Variants in MARCHF1 observed in about 807,000 individuals in gnomAD.
The protein encoded by MARCHF1 is E3 ubiquitin-protein ligase MARCHF1.
In MARCHF1, 40 loss-of-function variants were observed where a neutral mutation model predicts 54.2. The ratio of observed to expected loss-of-function variants is 0.74; its 90% CI spans 0.57 to 0.96. The LOEUF is 0.96. Ranked by LOEUF, MARCHF1 falls within the 40% of genes least tolerant of loss-of-function variation. The pLI, the probability that MARCHF1 is intolerant of heterozygous loss-of-function variation, is 0.00. For synonymous variants in MARCHF1, 236 were observed against 236.3 expected, an observed-to-expected ratio of 1.00 and a Z score of 0.01; for missense variants, 586 against 656.5, an observed-to-expected ratio of 0.89 and a Z score of 1.17.
intron 4 of MARCHF1, among the ~76,000 whole-genome samples, chr4:163,745,655 C>T (rs560134958): frequency 1.3e-5 from 2 of 152,254 alleles, no homozygotes; most frequent in East Asian, 1.9e-4. Flanking sequence ...TTTACATTCT[C>T]CAATTGCTCA....
intron 2 of MARCHF1, among the ~76,000 whole-genome samples, chr4:164,091,350 A>G (rs1403850117): frequency 6.7e-6 from 1 of 150,230 alleles, no homozygotes; most frequent in East Asian, 1.9e-4. Context: ...ACCTTTTTAT[A>G]GTGAAAAATT....
rs1738216506 is a variant in MARCHF1, at chr4:163,528,429, G to A, written c.*319C>T. On this transcript the variant is annotated 3_prime_UTR_variant, in exon 10 of 10. Transcript: ENST00000514618. Reference sequence around the variant, plus strand: ...TTTTCCCCTGTTACTGTGAAGAAGAGTATCATGGGTCCATTTAATCTTTGA... The same window carrying A: ...TTTTCCCCTGTTACTGTGAAGAAGAATATCATGGGTCCATTTAATCTTTGA... 3.7e-6 allele frequency: 1 copy of A among 268,692 alleles called. No homozygotes were observed. The highest frequency in any genetic ancestry group is 4.8e-5 in the Admixed American group (1 of 20,628). 16.6% of individuals were successfully genotyped at this position (268,692 alleles called of 1,614,324 possible).
chr4:164,368,844 G>A (rs574019529), intron 1 of MARCHF1, among the ~76,000 whole-genome samples: 33 of 152,288 alleles, frequency 2.2e-4, no homozygotes, highest in African/African-American at 7.0e-4. Context: ...TTAAACCAAG[G>A]AAAAGGCTAT....
rs945222300 is a variant in MARCHF1 at position 164,177,289 on chromosome 4, T to G, written c.-322-65627A>C. 5.3e-5 allele frequency among the ~76,000 whole-genome samples: 8 copies of G among 152,080 alleles called. No homozygotes were observed. The South Asian group carries it at 1.7e-3, about 32-fold the overall frequency. ...CTATTTTATACAAGTAACTTTCCTA[T>G]GGCCAAAAGAGAAATCCTTTTGTAA... On this transcript the variant is annotated intron_variant, in intron 1 of 9. Coordinates refer to ENST00000514618, the MANE Select transcript of MARCHF1 (RefSeq NM_001394959.1).
rs1387575791 is a variant in MARCHF1 at position 164,313,085 on chromosome 4, T to A, written c.-323+70785A>T. On this transcript the variant is annotated intron_variant, in intron 1 of 9. Transcript: ENST00000514618. ...GAGCGGTGGTGGCTCACGCCTGTAA[T>A]CCCAGCACTTTGGGAAGCCAAGGTG... Among the ~76,000 whole-genome samples, 9 of 150,408 alleles carry A rather than the reference T, an allele frequency of 6.0e-5. No individual in the cohort carries two copies. In the Admixed American group the frequency reaches 6.0e-4, roughly 10 times the overall value.
chr4:163,736,551 G>A (rs1271255776), intron 4 of MARCHF1, among the ~76,000 whole-genome samples: 2 of 1,770 alleles, frequency 1.1e-3, no homozygotes, highest in South Asian at 0.029. Context: ...GGGTTGGGTG[G>A]GGGGGGGGAC....
At position 164,283,592 on chromosome 4, in the gene MARCHF1, G is replaced by A. The variant is rs116452002; in HGVS notation, c.-323+100278C>T. Among the ~76,000 whole-genome samples, 684 of 151,206 alleles carry A rather than the reference G, an allele frequency of 4.5e-3. 23 individuals carry two copies. Among genetic ancestry groups the A allele is most frequent in the African/African-American group, 0.01 (422 of 41,284 alleles). ...GATATCCAAGTGAGAATTTCTGGCA[G>A]TGCCAGAAGCTCAGGAAAGTCCTGG... On this transcript the variant is annotated intron_variant, in intron 1 of 9. Transcript: ENST00000514618.
At chr4:163,969,837 A>G (rs1323789237) in intron 3 of MARCHF1, among the ~76,000 whole-genome samples, 1 of 152,242 alleles carries the variant, frequency 6.6e-6, no homozygotes, top group Non-Finnish European at 1.5e-5. Context: ...TTATTTCATA[A>G]CACATGTTTT....
chr4:163,585,037 C>G (rs1210031736), intron 8 of MARCHF1: 1 of 152,142 alleles, frequency 6.6e-6, no homozygotes, highest in Non-Finnish European at 1.5e-5. Context: ...TGTTTACAAG[C>G]TGTTCTTCGG....
At chr4:164,217,669 G>T (rs1731971221) in intron 1 of MARCHF1, among the ~76,000 whole-genome samples, 1 of 152,150 alleles carries the variant, frequency 6.6e-6, no homozygotes, top group South Asian at 2.1e-4. Flanking sequence ...AGCACATTCT[G>T]CCCCCAACCA....
intron 3 of MARCHF1, among the ~76,000 whole-genome samples, chr4:163,920,568 A>G (rs1751407357): frequency 1.3e-5 from 2 of 152,052 alleles, no homozygotes; most frequent in South Asian, 2.1e-4. Context: ...TGCTGACCCT[A>G]TGCTACTATA....
Position 164,225,477 on chromosome 4 carries a change from T to C in MARCHF1, c.-322-113815A>G, listed in dbSNP as rs145852040. On this transcript the variant is annotated intron_variant, in intron 1 of 9. Coordinates refer to ENST00000514618, the MANE Select transcript of MARCHF1 (RefSeq NM_001394959.1). Reference sequence around the variant, plus strand: ...GAGGGGAGATAACTGAAATTGAAGATAGTAAACATGGAAAAAACTTGGAAA... The same window carrying C: ...GAGGGGAGATAACTGAAATTGAAGACAGTAAACATGGAAAAAACTTGGAAA... Among the ~76,000 whole-genome samples, 489 of 152,120 alleles carry C rather than the reference T, an allele frequency of 3.2e-3. 2 individuals carry two copies. The highest frequency in any genetic ancestry group is 0.011 in the African/African-American group (468 of 41,528).
intron 1 of MARCHF1, among the ~76,000 whole-genome samples, chr4:164,153,439 T>C (rs1729996930): frequency 6.6e-6 from 1 of 152,152 alleles, no homozygotes; most frequent in South Asian, 2.1e-4. Context: ...CACAAGTTGT[T>C]AAATTAAGTT....
intron 7 of MARCHF1, among the ~76,000 whole-genome samples, chr4:163,590,009 G>T (rs1740534323): frequency 5.9e-5 from 9 of 151,660 alleles, no homozygotes; most frequent in Admixed American, 5.9e-4. Context: ...AGCTATCTGT[G>T]AATAGCAGAC....
At chr4:164,193,761 A>G (rs1731183368) in intron 1 of MARCHF1, among the ~76,000 whole-genome samples, 1 of 152,192 alleles carries the variant, frequency 6.6e-6, no homozygotes, top group African/African-American at 2.4e-5. Flanking sequence ...ATCACCCTGC[A>G]TCTGTCAACA....
At chr4:163,621,874 A>G (rs1176366382) in intron 5 of MARCHF1, among the ~76,000 whole-genome samples, 1 of 152,066 alleles carries the variant, frequency 6.6e-6, no homozygotes, top group Non-Finnish European at 1.5e-5. Context: ...TTTCTGGGGG[A>G]AAACCAAGAG....
intron 5 of MARCHF1, among the ~76,000 whole-genome samples, chr4:163,625,680 A>G (rs1311018879): frequency 1.3e-5 from 2 of 152,238 alleles, no homozygotes; most frequent in African/African-American, 2.4e-5. Context: ...CCAAAGTTTT[A>G]TGTAAGTCAT....
At chr4:164,314,307 A>G (rs1734941991) in intron 1 of MARCHF1, among the ~76,000 whole-genome samples, 1 of 152,222 alleles carries the variant, frequency 6.6e-6, no homozygotes, top group South Asian at 2.1e-4. Flanking sequence ...GAGCCATATA[A>G]TGCTGCAAAC....
chr4:164,209,624 C>T (rs1054135676), intron 1 of MARCHF1, among the ~76,000 whole-genome samples: 4 of 152,088 alleles, frequency 2.6e-5, no homozygotes, highest in African/African-American at 4.8e-5. Context: ...AAAAGCAAAA[C>T]AAAACAAGAA....
Sources: gnomAD v4.1 joint callset for allele counts (sites outside exome capture counted in the v4.1 genomes callset) on GRCh38, gnomAD v4.1.1 for gene constraint, MANE v1.5 for transcripts, NCBI Gene and HGNC (gene_info 2026-07-23, HGNC 2026-07-21) for gene names.